The following ADGRL3 variants were observed in gnomAD, a reference collection of about 807,000 sequenced individuals.
ADGRL3 encodes the protein calcium-independent alpha-latrotoxin receptor 3.
ADGRL3 carries 62 observed loss-of-function variants against 153.5 expected under a neutral mutation model. The observed-to-expected ratio is 0.40, with a 90% confidence interval of 0.33 to 0.50. ADGRL3 has a LOEUF of 0.50. ADGRL3 is among the 20% of genes least tolerant of loss of function. ADGRL3 has a pLI of 0.47. For synonymous variants in ADGRL3, 710 were observed against 672.5 expected, an observed-to-expected ratio of 1.06 and a Z score of -0.86; for missense variants, 1,641 against 1,859.4, an observed-to-expected ratio of 0.88 and a Z score of 2.16.
chr4:61,894,344 G>A (rs1234673410), intron 10 of ADGRL3, among the ~76,000 whole-genome samples: 1 of 151,928 alleles, frequency 6.6e-6, no homozygotes, highest in African/African-American at 2.4e-5. Flanking sequence ...AGACCAAAGG[G>A]TATCTTGGTT....
rs1319618194 is a variant in ADGRL3 at position 62,031,512 on chromosome 4, A to G, written c.3493A>G (p.Ile1165Val). The G allele has an allele frequency of 5.6e-6, 9 of 1,610,944 alleles. No individual in the cohort carries two copies. The highest frequency in any genetic ancestry group is 3.3e-5 in the Admixed American group (2 of 59,776). The change falls in exon 23 of 27, where the codon ATT (isoleucine) becomes GTT (valine). Residue 1165 changes from isoleucine to valine, a missense_variant. Physicochemically the swap from Ile to Val is conservative, Grantham distance 29. Coordinates refer to ENST00000683033, the MANE Select transcript of ADGRL3 (RefSeq NM_001387552.1). ...GACCTGGGCCTTTGGACTCATGTAT[A>G]TTAATGAAAGCACAGTCATCATGGC... The part of the protein sequence containing the change: ...GLTWAFGLMY[I>V]NESTVIMAYL...
intron 4 of ADGRL3, among the ~76,000 whole-genome samples, chr4:61,568,827 T>C (rs2149095666): frequency 6.6e-6 from 1 of 152,274 alleles, no homozygotes; most frequent in African/African-American, 2.4e-5. Context: ...CATGATTCCT[T>C]CTTCTATGTC....
intron 5 of ADGRL3, among the ~76,000 whole-genome samples, chr4:61,659,029 T>C (rs991379082): frequency 2.6e-5 from 4 of 152,162 alleles, no homozygotes; most frequent in African/African-American, 9.6e-5. Context: ...TTCTTAGCTT[T>C]TGGTTGTGGC....
At chr4:62,012,592 A>G (rs938641327) in intron 21 of ADGRL3, among the ~76,000 whole-genome samples, 1 of 152,156 alleles carries the variant, frequency 6.6e-6, no homozygotes, top group Admixed American at 6.6e-5. Context: ...TGTCACATCA[A>G]ATTGCATACC....
chr4:61,932,725 G>A lies in ADGRL3; in HGVS notation c.2113-2115G>A, dbSNP rs914934749. 2.6e-5 allele frequency among the ~76,000 whole-genome samples: 4 copies of A among 151,976 alleles called. 1 individual carries two copies. Among genetic ancestry groups the A allele is most frequent in the South Asian group, 4.2e-4 (2 of 4,818 alleles). On this transcript the variant is annotated intron_variant, in intron 13 of 26. Transcript: ENST00000683033. ...TGTCCCCTCCTCTTATATTCTTTTG[G>A]AGTTTGAGAAGGACTGGTGTTAATT...
chr4:61,647,412 A>C (rs2094062441), intron 5 of ADGRL3, among the ~76,000 whole-genome samples: 1 of 152,200 alleles, frequency 6.6e-6, no homozygotes, highest in South Asian at 2.1e-4. Context: ...CAGTAGAACT[A>C]GGGTTTGTCC....
At chr4:61,680,638 T>C (rs1163357635) in intron 6 of ADGRL3, among the ~76,000 whole-genome samples, 1 of 151,996 alleles carries the variant, frequency 6.6e-6, no homozygotes, top group African/African-American at 2.4e-5. Flanking sequence ...GCACGGAATT[T>C]TAGGAGTCAC....
At chr4:61,641,636 A>G (rs1441583437) in intron 5 of ADGRL3, among the ~76,000 whole-genome samples, 3 of 151,950 alleles carry the variant, frequency 2.0e-5, no homozygotes, top group African/African-American at 4.8e-5. Context: ...TTATGGCTGC[A>G]TAGTATTCCA....
chr4:61,441,582 C>G, intron 2 of ADGRL3, among the ~76,000 whole-genome samples: 1 of 151,104 alleles, frequency 6.6e-6, no homozygotes, highest in Middle Eastern at 3.4e-3. Context: ...TGCAGTGGTG[C>G]GATCTCAGCT....
intron 4 of ADGRL3, among the ~76,000 whole-genome samples, chr4:61,534,477 G>A (rs1213930655): frequency 6.6e-6 from 1 of 151,870 alleles, no homozygotes; most frequent in Non-Finnish European, 1.5e-5. Flanking sequence ...TGTGAAAAAT[G>A]ATGTCAATAA....
intron 5 of ADGRL3, among the ~76,000 whole-genome samples, chr4:61,644,129 G>A (rs201873169): frequency 0.023 from 2,525 of 110,332 alleles, 85 homozygotes; most frequent in East Asian, 0.13. Context: ...TGGGATCGGT[G>A]GTGATATCCC....
At chr4:61,462,440 AG>A (rs1481578981) in intron 2 of ADGRL3, among the ~76,000 whole-genome samples, 1 of 152,140 alleles carries the variant, frequency 6.6e-6, no homozygotes, top group African/African-American at 2.4e-5. Flanking sequence ...GTAAAGGAGA[AG>A]GAAAATATTA....
At chr4:61,334,694 G>A (rs755428808) in intron 1 of ADGRL3, among the ~76,000 whole-genome samples, 7 of 151,800 alleles carry the variant, frequency 4.6e-5, no homozygotes, top group African/African-American at 7.3e-5. Context: ...TGCTTTTTTG[G>A]GTTAGGAACA....
At chr4:61,272,656 T>C (rs2093257000) in intron 1 of ADGRL3, among the ~76,000 whole-genome samples, 1 of 152,106 alleles carries the variant, frequency 6.6e-6, no homozygotes, top group Non-Finnish European at 1.5e-5. Context: ...CCAACATTGA[T>C]TCTGCTGTTT....
At chr4:61,302,309 T>A (rs1289125804) in intron 1 of ADGRL3, among the ~76,000 whole-genome samples, 1 of 151,742 alleles carries the variant, frequency 6.6e-6, no homozygotes, top group African/African-American at 2.4e-5. Context: ...AGACCATGAG[T>A]TTGTTTGGAG....
In ADGRL3 at chr4:61,994,916, C is replaced by CT. The variant is rs769150522; in HGVS notation, c.3237-1361dup. ...TACTTTTTTACTCAACTTTGGTTTT[C>CT]TTTTTTTTTTTTTTGAGACAGGGTC... On this transcript the variant is annotated intron_variant, in intron 19 of 26. Transcript: ENST00000683033. 4.4e-3 allele frequency among the ~76,000 whole-genome samples: 617 copies of CT among 140,264 alleles called. 4 individuals carry two copies. Among genetic ancestry groups the CT allele is most frequent in the African/African-American group, 0.011 (410 of 38,514 alleles). The allele number at this position is 140,264 out of a possible 152,430, so 92.0% of individuals were successfully genotyped here.
At chr4:61,363,378 T>G (rs1033322283) in intron 1 of ADGRL3, among the ~76,000 whole-genome samples, 1 of 152,158 alleles carries the variant, frequency 6.6e-6, no homozygotes, top group African/African-American at 2.4e-5. Flanking sequence ...TGGTAGAGTT[T>G]GTTCTTCATT....
chr4:61,645,754 A>G (rs1169130707), intron 5 of ADGRL3, among the ~76,000 whole-genome samples: 4 of 151,846 alleles, frequency 2.6e-5, no homozygotes, highest in African/African-American at 9.7e-5. Context: ...GAATCTGACA[A>G]TTATGTGTCT....
intron 9 of ADGRL3, among the ~76,000 whole-genome samples, chr4:61,891,259 T>C (rs1350069095): frequency 6.6e-6 from 1 of 152,058 alleles, no homozygotes; most frequent in African/African-American, 2.4e-5. Flanking sequence ...TCAAAAAGAC[T>C]TGGTTATTTG....
Sources: gnomAD v4.1 joint callset for allele counts (sites outside exome capture counted in the v4.1 genomes callset) on GRCh38, gnomAD v4.1.1 for gene constraint, MANE v1.5 for transcripts, NCBI Gene and HGNC (gene_info 2026-07-23, HGNC 2026-07-21) for gene names.